CMC1: variants seen among roughly 807,000 people sequenced by gnomAD.
The protein encoded by CMC1 is C-X9-C motif containing 1.
In CMC1, 14 loss-of-function variants were observed where a neutral mutation model predicts 14.1. The observed-to-expected ratio is 0.99, with a 90% CI of 0.66 to 1.55. The LOEUF (loss-of-function observed/expected upper bound fraction) is 1.55, where lower values mean the gene tolerates loss of function less well. Among genes scored for constraint, CMC1 ranks in the 40% most tolerant of loss-of-function variants. The probability of loss-of-function intolerance (pLI) is 0.00; values close to 1 mark genes in which losing one functional copy is unlikely to be tolerated. For missense variants in CMC1, 127 were observed against 123.8 expected (o/e 1.03, Z -0.12); for synonymous variants, 50 against 38.4 (o/e 1.30, Z -1.12).
At chr3:28,259,296 T>C (rs1458386022) in intron 1 of CMC1, among the ~76,000 whole-genome samples, 2 of 152,082 alleles carry the variant, frequency 1.3e-5, no homozygotes, top group Non-Finnish European at 2.9e-5. Context: ...AGGATAACAA[T>C]TGACATTGGT....
At chr3:28,248,423 G>A (rs1698938837) in intron 1 of CMC1, among the ~76,000 whole-genome samples, 1 of 152,162 alleles carries the variant, frequency 6.6e-6, no homozygotes, top group Admixed American at 6.5e-5. Flanking sequence ...TCATTAACCT[G>A]TCCTTAATGA....
Position 28,319,604 on chromosome 3 carries a change from T to G in CMC1, c.296T>G (p.Leu99Arg), listed in dbSNP as rs759263622. 14 of 1,607,616 alleles carry G rather than the reference T, an allele frequency of 8.7e-6. No individual in the cohort carries two copies. The highest frequency in any genetic ancestry group is 1.1e-5 in the Non-Finnish European group (13 of 1,176,702). Residue 99 changes from leucine to arginine, a missense_variant, in exon 4 of 4, where the codon CTA (leucine) becomes CGA (arginine). Physicochemically the swap from Leu to Arg is moderately radical, Grantham distance 102. Coordinates refer to ENST00000466830, the MANE Select transcript of CMC1 (RefSeq NM_182523.2). ...RKTGIPTKKRLQKLPTSM is the reference protein window; with the variant it reads ...RKTGIPTKKRRQKLPTSM ...ACTGGAATTCCTACAAAGAAAAGGC[T>G]ACAGAAGCTTCCAACAAGCATGTAG... is the stretch of plus-strand genomic sequence containing the variant.
At chr3:28,243,822 G>T (rs747373648) in intron 1 of CMC1, among the ~76,000 whole-genome samples, 1 of 152,160 alleles carries the variant, frequency 6.6e-6, no homozygotes, top group Non-Finnish European at 1.5e-5. Flanking sequence ...ACACAGACAC[G>T]TGCGTGGGCA....
chr3:28,296,846 T>A (rs1174325056), intron 2 of CMC1, among the ~76,000 whole-genome samples: 2 of 152,032 alleles, frequency 1.3e-5, no homozygotes, highest in East Asian at 3.8e-4. Flanking sequence ...GGAAAAAAAG[T>A]AAGGTTTGTT....
intron 2 of CMC1, among the ~76,000 whole-genome samples, chr3:28,264,403 G>T (rs925097125): frequency 3.9e-5 from 6 of 152,084 alleles, no homozygotes; most frequent in African/African-American, 1.2e-4. Context: ...ATGAATGGAG[G>T]CAATAAAATA....
chr3:28,302,608 A>G (rs1056741350), intron 2 of CMC1, among the ~76,000 whole-genome samples: 1 of 152,192 alleles, frequency 6.6e-6, no homozygotes, highest in Non-Finnish European at 1.5e-5. Context: ...TGTTTGAAGA[A>G]GCCCCTTTCT....
At chr3:28,272,563 A>T (rs1339429215) in intron 2 of CMC1, among the ~76,000 whole-genome samples, 5 of 152,132 alleles carry the variant, frequency 3.3e-5, no homozygotes, top group African/African-American at 1.2e-4. Flanking sequence ...CATCGTGGGG[A>T]TGAAGGTGAC....
intron 3 of CMC1, 185 bp from the exon 4 acceptor site, chr3:28,319,324 A>G (rs1268777997): frequency 6.2e-6 from 4 of 646,318 alleles, no homozygotes; most frequent in Non-Finnish European, 1.2e-5. Context: ...CTATATAAAA[A>G]TGAATGATTT....
intron 1 of CMC1, among the ~76,000 whole-genome samples, chr3:28,259,548 C>A (rs938050464): frequency 6.6e-6 from 1 of 151,976 alleles, no homozygotes; most frequent in South Asian, 2.1e-4. Context: ...TAATCTTAGT[C>A]GAATTTCACC....
chr3:28,309,641 T>C (rs1702517050), intron 2 of CMC1, among the ~76,000 whole-genome samples: 1 of 152,144 alleles, frequency 6.6e-6, no homozygotes, highest in East Asian at 1.9e-4. Context: ...AGTTTTCTTA[T>C]TTCCAGTTCT....
At chr3:28,281,241 AG>A (rs1700879461) in intron 2 of CMC1, among the ~76,000 whole-genome samples, 1 of 152,352 alleles carries the variant, frequency 6.6e-6, no homozygotes, top group South Asian at 2.1e-4. Context: ...TAAGTATGGC[AG>A]GGGAGATAGT....
intron 2 of CMC1, among the ~76,000 whole-genome samples, chr3:28,265,101 G>A (rs183663040): frequency 1.3e-5 from 2 of 152,194 alleles, no homozygotes; most frequent in East Asian, 1.9e-4. Flanking sequence ...GGATGTTGAC[G>A]TAGTTAAGTT....
intron 2 of CMC1, among the ~76,000 whole-genome samples, chr3:28,272,363 G>A (rs1700338518): frequency 6.6e-6 from 1 of 152,084 alleles, no homozygotes; most frequent in Non-Finnish European, 1.5e-5. Context: ...GGTTTGTCAT[G>A]AATGGCTTTT....
intron 2 of CMC1, among the ~76,000 whole-genome samples, chr3:28,306,567 G>A (rs183441639): frequency 2.7e-4 from 41 of 152,078 alleles, no homozygotes; most frequent in African/African-American, 9.9e-4. Context: ...CAATGCAGTA[G>A]TCTTTTAGAG....
At chr3:28,294,260 G>C (rs1701631318) in intron 2 of CMC1, among the ~76,000 whole-genome samples, 1 of 151,958 alleles carries the variant, frequency 6.6e-6, no homozygotes, top group South Asian at 2.1e-4. Flanking sequence ...TTACTCAGTG[G>C]TTATGTATAC....
At chr3:28,259,247 A>G (rs1699597355) in intron 1 of CMC1, among the ~76,000 whole-genome samples, 1 of 152,074 alleles carries the variant, frequency 6.6e-6, no homozygotes, top group Non-Finnish European at 1.5e-5. Context: ...CATAACCATG[A>G]TATGTATATT....
intron 2 of CMC1, among the ~76,000 whole-genome samples, chr3:28,274,220 C>CT (rs544985268): frequency 0.033 from 3,683 of 112,284 alleles, 137 homozygotes; most frequent in Middle Eastern, 0.044. Context: ...TTGTTTTTTT[C>CT]TTTTTTTTTT....
intron 2 of CMC1, among the ~76,000 whole-genome samples, chr3:28,310,808 G>T (rs1383056890): frequency 6.6e-6 from 1 of 152,192 alleles, no homozygotes; most frequent in East Asian, 1.9e-4. Context: ...TTTTCCAGTG[G>T]TTTTGGGATG....
At chr3:28,262,408 A>G (rs1699778067) in intron 1 of CMC1, among the ~76,000 whole-genome samples, 1 of 152,014 alleles carries the variant, frequency 6.6e-6, no homozygotes, top group Admixed American at 6.6e-5. Context: ...ATAAATACCT[A>G]TATATACTTT....
Sources: allele counts gnomAD v4.1 joint callset (sites outside exome capture counted in the v4.1 genomes callset), GRCh38; gene constraint gnomAD v4.1.1; transcripts MANE v1.5; gene names NCBI Gene and HGNC (gene_info 2026-07-23, HGNC 2026-07-21).